LAIR1: variants seen among roughly 807,000 people sequenced by gnomAD.
LAIR1 encodes leukocyte associated immunoglobulin like receptor 1.
In LAIR1, 24 loss-of-function variants were observed where a neutral mutation model predicts 32.8. The ratio of observed to expected loss-of-function variants is 0.73; its 90% CI spans 0.53 to 1.03. LAIR1 has a LOEUF of 1.03. Ranked by LOEUF, LAIR1 falls within the 50% of genes least tolerant of loss-of-function variation. LAIR1 has a pLI of 0.00. For synonymous variants in LAIR1, 150 were observed against 140.5 expected, an observed-to-expected ratio of 1.07 and a Z score of -0.48; for missense variants, 355 against 347.5, an observed-to-expected ratio of 1.02 and a Z score of -0.17.
At chr19:54,369,298 T>C, upstream of LAIR1, among the ~76,000 whole-genome samples, 1 of 151,410 alleles carries the variant, frequency 6.6e-6, no homozygotes, top group Non-Finnish European at 1.5e-5. Context: ...TCTGTTTTCC[T>C]GGTTGGACCC....
chr19:54,370,570 G>A (rs761447255), upstream of LAIR1: 579 of 334,878 alleles, frequency 1.7e-3, 1 homozygote, highest in Non-Finnish European at 2.3e-3. Context: ...GGTCAGGAAC[G>A]GAGCAAAACT....
chr19:54,351,695 C>T lies in LAIR1; in HGVS notation c.*3573G>A, dbSNP rs2081534875. On this transcript the variant is annotated 3_prime_UTR_variant, in exon 10 of 10. Coordinates refer to ENST00000391742, the MANE Select transcript of LAIR1 (RefSeq NM_002287.6). ...GCCAAGAGTGAAACACGCTCTTGCT[C>T]CTCTTCCTAGCAAGAGAGCAAAGAC... The T allele has an allele frequency of 6.6e-6, 1 of 152,114 alleles. No homozygotes were observed. Among genetic ancestry groups the T allele is most frequent in the African/African-American group, 2.4e-5 (1 of 41,404 alleles). 9.4% of individuals were successfully genotyped at this position (152,114 alleles called of 1,614,324 possible). A position where few individuals can be genotyped will look rare whatever the true frequency, so the allele number is the denominator to read the frequency against.
upstream of LAIR1, among the ~76,000 whole-genome samples, chr19:54,369,609 G>T (rs2082354023): frequency 6.6e-6 from 1 of 151,514 alleles, no homozygotes; most frequent in Non-Finnish European, 1.5e-5. Flanking sequence ...AAGGCATGCT[G>T]CAGATTCAGC....
At chr19:54,361,465 A>G (rs978620502) in intron 2 of LAIR1, among the ~76,000 whole-genome samples, 3 of 151,868 alleles carry the variant, frequency 2.0e-5, no homozygotes, top group Admixed American at 1.3e-4. Context: ...GCTCAGGGTC[A>G]TGTGGGAAGT....
At chr19:54,369,814 A>G (rs1196824311), upstream of LAIR1, among the ~76,000 whole-genome samples, 1 of 151,566 alleles carries the variant, frequency 6.6e-6, no homozygotes, top group Non-Finnish European at 1.5e-5. Context: ...CATTAAAAGA[A>G]GAGTTTGCAT....
Position 54,355,428 on chromosome 19 carries a change from A to C in LAIR1, c.718-14T>G. On this transcript the variant is annotated splice_polypyrimidine_tract_variant and intron_variant, in intron 9 of 9. Transcript: ENST00000391742. The surrounding 1 kb of genome is among the most constrained non-coding windows in gnomAD (Gnocchi z 4.7). ...TGCAGCCAGGGCCTAAGAGGGAGAG[A>C]CCCAGGGTGAGGGAGTGCCTGGTGG... 1 of 1,584,664 alleles carries C rather than the reference A, an allele frequency of 6.3e-7. No individual in the cohort carries two copies. The highest frequency in any genetic ancestry group is 8.6e-7 in the Non-Finnish European group (1 of 1,165,844).
In LAIR1 at chr19:54,356,604, T is replaced by C; in HGVS notation, c.470A>G (p.Gln157Arg). 6.2e-7 allele frequency: 1 copy of C among 1,613,626 alleles called. No homozygotes were observed. The highest frequency in any genetic ancestry group is 8.5e-7 in the Non-Finnish European group (1 of 1,179,944). ...NSHNEHAPASQGLKAEHLYIL... is the reference protein window; with the variant it reads ...NSHNEHAPASRGLKAEHLYIL... Reference sequence around the variant, plus strand: ...ATACAGATGCTCAGCTTTCAGGCCTTGGGAAGCAGGTGCATCTAAGAAAGA... The same window carrying C: ...ATACAGATGCTCAGCTTTCAGGCCTCGGGAAGCAGGTGCATCTAAGAAAGA... Residue 157 changes from glutamine to arginine, a missense_variant, in exon 6 of 10, where the codon CAA becomes CGA. Gln to Arg is a conservative substitution (Grantham distance 43). Coordinates refer to ENST00000391742, the MANE Select transcript of LAIR1 (RefSeq NM_002287.6).
Position 54,355,338 on chromosome 19 carries a change from C to CG in LAIR1, c.793dup (p.Arg265ProfsTer34). 3.1e-6 allele frequency: 5 copies of CG among 1,613,490 alleles called. No individual in the cohort carries two copies. Among genetic ancestry groups the CG allele is most frequent in the Non-Finnish European group, 4.2e-6 (5 of 1,179,686 alleles). On this transcript the variant is annotated frameshift_variant, in exon 10 of 10. Coordinates refer to ENST00000391742, the MANE Select transcript of LAIR1 (RefSeq NM_002287.6). LOFTEE classifies it low-confidence loss of function (END_TRUNC). The surrounding 1 kb of genome is among the most constrained non-coding windows in gnomAD (Gnocchi z 4.7). ...CTTTGTGGACTGTGGGGACACAGCC[C>CG]GGGCTGTCCTCTGTGTGAGGGCCCA...
upstream of LAIR1, among the ~76,000 whole-genome samples, chr19:54,369,663 G>A (rs532259335): frequency 6.6e-6 from 1 of 151,656 alleles, no homozygotes; most frequent in Non-Finnish European, 1.5e-5. Flanking sequence ...GATGTGGGAT[G>A]CACAGGCATA....
At chr19:54,356,716 A>G (rs2081733075) in intron 5 of LAIR1, 97 bp from the exon 6 acceptor site, 2 of 1,291,358 alleles carry the variant, frequency 1.5e-6, no homozygotes, top group African/African-American at 1.5e-5. Context: ...ACTTACTAAT[A>G]TATAAAATAT....
intron 4 of LAIR1, chr19:54,357,225 G>T: frequency 3.8e-6 from 2 of 525,924 alleles, no homozygotes; most frequent in Non-Finnish European, 6.8e-6. Context: ...TGGCTGCACC[G>T]TCTGCACCTC....
chr19:54,367,062 T>A (rs528921136), upstream of LAIR1, among the ~76,000 whole-genome samples: 1 of 152,112 alleles, frequency 6.6e-6, no homozygotes, highest in Non-Finnish European at 1.5e-5. Flanking sequence ...CCAAAACATC[T>A]CATCTACCCC....
At chr19:54,363,513 A>G (rs8106823) in intron 2 of LAIR1, among the ~76,000 whole-genome samples, 150,252 of 152,268 alleles carry the variant, frequency 0.99, 74,208 homozygotes, top group Middle Eastern at 1. Flanking sequence ...TGACCGCAGC[A>G]CTACTCACAG....
Position 54,356,229 on chromosome 19 carries a change from C to T in LAIR1, c.664+1G>A. On this transcript the variant is annotated splice_donor_variant, in intron 8 of 9. Transcript: ENST00000391742. LOFTEE classifies it high-confidence loss of function. ...GCCTGTCCCTCCTCCTCCCCCTTTA[C>T]CTGCTGTCCTCTCTAGAACATCAAC... The T allele has an allele frequency of 6.2e-7, 1 of 1,612,956 alleles. No homozygotes were observed. The highest frequency in any genetic ancestry group is 2.2e-5 in the East Asian group (1 of 44,850).
chr19:54,360,870 C>A, intron 3 of LAIR1, 46 bp downstream of exon 3: 1 of 1,575,232 alleles, frequency 6.3e-7, no homozygotes, highest in Non-Finnish European at 8.6e-7. Flanking sequence ...GGGACAAGCT[C>A]GAGGGTCGAG....
Position 54,355,225 on chromosome 19 carries a change from G to A in LAIR1, c.*43C>T. The A allele has an allele frequency of 2.0e-6, 3 of 1,506,572 alleles. No individual in the cohort carries two copies. The highest frequency in any genetic ancestry group is 2.7e-6 in the Non-Finnish European group (3 of 1,122,128). The allele number at this position is 1,506,572 out of a possible 1,614,324, so 93.3% of individuals were successfully genotyped here. A position where few individuals can be genotyped will look rare whatever the true frequency, so the allele number is the denominator to read the frequency against. On this transcript the variant is annotated 3_prime_UTR_variant, in exon 10 of 10. Transcript: ENST00000391742. The surrounding 1 kb of genome is among the most constrained non-coding windows in gnomAD (Gnocchi z 4.7). ...ATGGCTGCTTCAGGCTTTTCCTAGA[G>A]TGACTTTCTACCCTCAGGTGCAGAG...
At chr19:54,360,793 C>CT in intron 3 of LAIR1, 123 bp downstream of exon 3, 1 of 707,132 alleles carries the variant, frequency 1.4e-6, no homozygotes, top group Non-Finnish European at 2.1e-6. Context: ...GAGGGGAGGG[C>CT]TTGGGGTCAG....
chr19:54,365,923 C>G (rs2082238213), upstream of LAIR1, among the ~76,000 whole-genome samples: 1 of 152,190 alleles, frequency 6.6e-6, no homozygotes, highest in Non-Finnish European at 1.5e-5. Context: ...GGTGCACACA[C>G]AGGGGAATAC....
upstream of LAIR1, among the ~76,000 whole-genome samples, chr19:54,373,878 C>G (rs192207452): frequency 6.6e-6 from 1 of 152,216 alleles, no homozygotes; most frequent in Non-Finnish European, 1.5e-5. Flanking sequence ...AATGGCGTCC[C>G]GTACTTCAAA....
Sources: gnomAD v4.1 joint callset for allele counts (sites outside exome capture counted in the v4.1 genomes callset) on GRCh38, gnomAD v4.1.1 for gene constraint, Gnocchi (gnomAD v3.1) non-coding constraint, MANE v1.5 for transcripts, NCBI Gene and HGNC (gene_info 2026-07-23, HGNC 2026-07-21) for gene names.